AFF3: variants seen among roughly 807,000 people sequenced by gnomAD.
AFF3 encodes ALF transcription elongation factor 3, also known as AF4/FMR2 family member 3.
A neutral mutation model predicts 129.7 loss-of-function variants in AFF3; 32 were observed. That is an observed-to-expected ratio of 0.25 (90% CI 0.19 to 0.33). The LOEUF is 0.33. Ranked by LOEUF, AFF3 falls within the 10% of genes least tolerant of loss-of-function variation. The pLI, the probability that AFF3 is intolerant of heterozygous loss-of-function variation, is 1.00. For missense variants in AFF3, 1,373 were observed against 1,592.0 expected (o/e 0.86, Z 2.34); for synonymous variants, 644 against 635.4 (o/e 1.01, Z -0.20).
intron 10 of AFF3, 115 bp from the exon 11 acceptor site, chr2:99,727,243 G>A: frequency 9.3e-7 from 1 of 1,078,322 alleles, no homozygotes; most frequent in South Asian, 1.5e-5. Flanking sequence ...ATGTGTAGCA[G>A]GAGGCTTTTA....
chr2:99,730,145 A>C (rs1679702233), intron 10 of AFF3, among the ~76,000 whole-genome samples: 1 of 152,090 alleles, frequency 6.6e-6, no homozygotes, highest in Non-Finnish European at 1.5e-5. Context: ...TTCTGTTCTG[A>C]TGCCCTGTCA....
At chr2:100,015,062 C>G (rs1023765997) in intron 4 of AFF3, among the ~76,000 whole-genome samples, 4 of 151,708 alleles carry the variant, frequency 2.6e-5, no homozygotes, top group African/African-American at 4.8e-5. Context: ...CCTTGGCCCC[C>G]CAAAGTGCTG....
At chr2:99,839,513 A>G (rs900405054) in intron 7 of AFF3, among the ~76,000 whole-genome samples, 1 of 152,114 alleles carries the variant, frequency 6.6e-6, no homozygotes, top group Non-Finnish European at 1.5e-5. Context: ...CCACATTTTC[A>G]CCAATACTTG....
chr2:99,947,098 AT>A (rs1675643387), intron 7 of AFF3, among the ~76,000 whole-genome samples: 1 of 152,210 alleles, frequency 6.6e-6, no homozygotes, highest in South Asian at 2.1e-4. Flanking sequence ...ATAACTGAAT[AT>A]AAAGGCGCAT....
chr2:99,979,942 G>C (rs1679246343), intron 7 of AFF3, among the ~76,000 whole-genome samples: 1 of 152,020 alleles, frequency 6.6e-6, no homozygotes, highest in African/African-American at 2.4e-5. Flanking sequence ...ACGCAAACAT[G>C]GCTCTGAGAA....
At chr2:100,037,012 G>C (rs1684976239) in intron 4 of AFF3, among the ~76,000 whole-genome samples, 1 of 152,070 alleles carries the variant, frequency 6.6e-6, no homozygotes, top group Non-Finnish European at 1.5e-5. Flanking sequence ...CTTCTGGAGG[G>C]AAACTTGGCA....
intron 8 of AFF3, among the ~76,000 whole-genome samples, chr2:99,758,299 C>A (rs1161650035): frequency 6.6e-6 from 1 of 152,062 alleles, no homozygotes; most frequent in South Asian, 2.1e-4. Context: ...TCTTCACATG[C>A]GGTCGGGCAG....
intron 7 of AFF3, among the ~76,000 whole-genome samples, chr2:99,855,391 T>C (rs543870041): frequency 6.6e-5 from 10 of 152,270 alleles, no homozygotes; most frequent in African/African-American, 2.4e-4. Flanking sequence ...GCAAAACATA[T>C]ATTTGGCAGA....
intron 7 of AFF3, among the ~76,000 whole-genome samples, chr2:99,844,254 A>G (rs1319024532): frequency 1.3e-5 from 2 of 152,062 alleles, no homozygotes; most frequent in Non-Finnish European, 2.9e-5. Context: ...AAATTCAAGT[A>G]ACATAAAATC....
At chr2:99,666,856 A>C (rs1285157485) in intron 12 of AFF3, among the ~76,000 whole-genome samples, 1 of 152,170 alleles carries the variant, frequency 6.6e-6, no homozygotes, top group Non-Finnish European at 1.5e-5. Context: ...AAAATATAGC[A>C]ATCCTAAATG....
chr2:99,742,235 T>C (rs1168638540), intron 10 of AFF3, among the ~76,000 whole-genome samples: 1 of 152,106 alleles, frequency 6.6e-6, no homozygotes, highest in African/African-American at 2.4e-5. Context: ...TCCTGGCTAC[T>C]TGGGAAGCTA....
At chr2:100,126,820 TTC>T (rs1036333074) in intron 2 of AFF3, among the ~76,000 whole-genome samples, 9 of 152,388 alleles carry the variant, frequency 5.9e-5, no homozygotes, top group African/African-American at 2.2e-4. Flanking sequence ...GTTTTCTCAT[TTC>T]TGTTTCCAAT....
chr2:100,046,236 T>C (rs931284128), intron 4 of AFF3, among the ~76,000 whole-genome samples: 18 of 152,166 alleles, frequency 1.2e-4, no homozygotes, highest in African/African-American at 4.3e-4. Flanking sequence ...CTATACCTAC[T>C]CTATAGTGCT....
chr2:99,584,237 G>A (rs143962528), intron 16 of AFF3, among the ~76,000 whole-genome samples: 2 of 151,738 alleles, frequency 1.3e-5, no homozygotes, highest in East Asian at 2.0e-4. Flanking sequence ...GGAGGCCAAG[G>A]TGGGCGTATC....
chr2:100,053,845 G>C (rs1181532983), intron 4 of AFF3, among the ~76,000 whole-genome samples: 1 of 152,168 alleles, frequency 6.6e-6, no homozygotes, highest in African/African-American at 2.4e-5. Context: ...CTCTGAAGGG[G>C]CCTGAAGAGT....
chr2:99,698,379 T>C (rs577605729), intron 11 of AFF3, among the ~76,000 whole-genome samples: 14 of 152,274 alleles, frequency 9.2e-5, no homozygotes, highest in East Asian at 7.7e-4. Context: ...CTGTCCAGCA[T>C]TGGGGTGCTG....
intron 1 of AFF3, among the ~76,000 whole-genome samples, chr2:100,141,867 G>GAC (rs1381238288): frequency 2.6e-5 from 4 of 151,842 alleles, no homozygotes; most frequent in East Asian, 1.9e-4. Flanking sequence ...CACATACACA[G>GAC]ACACACACAC....
chr2:99,887,101 G>T (rs952523844), intron 7 of AFF3, among the ~76,000 whole-genome samples: 1 of 152,156 alleles, frequency 6.6e-6, no homozygotes, highest in African/African-American at 2.4e-5. Context: ...CTCTGTTGGG[G>T]GCAACAGGTG....
intron 4 of AFF3, among the ~76,000 whole-genome samples, chr2:100,070,535 T>G (rs1194269153): frequency 6.6e-6 from 1 of 152,238 alleles, no homozygotes; most frequent in Non-Finnish European, 1.5e-5. Flanking sequence ...TCATAGTTTA[T>G]TCTACAGACA....
Sources: gnomAD v4.1 joint callset for allele counts (sites outside exome capture counted in the v4.1 genomes callset) on GRCh38, gnomAD v4.1.1 for gene constraint, MANE v1.5 for transcripts, NCBI Gene and HGNC (gene_info 2026-07-23, HGNC 2026-07-21) for gene names.